The following TBX5 variants were observed in gnomAD, a reference collection of about 807,000 sequenced individuals.
TBX5 encodes the protein T-box transcription factor 5.
TBX5 carries 8 observed loss-of-function variants against 51.1 expected under a neutral mutation model. The ratio of observed to expected loss-of-function variants is 0.16; its 90% CI spans 0.09 to 0.28. The LOEUF is 0.28. Among genes scored for constraint, TBX5 ranks in the 10% least tolerant of loss-of-function variants. TBX5 has a pLI of 1.00. For missense variants in TBX5, 589 were observed against 671.7 expected (o/e 0.88, Z 1.36); for synonymous variants, 302 against 266.4 (o/e 1.13, Z -1.30).
Position 114,355,861 on chromosome 12 carries a change from A to G in TBX5, c.1228T>C (p.Cys410Arg). Residue 410 changes from cysteine to arginine, a missense_variant, in exon 9 of 9, where the codon TGC becomes CGC. Transcript: ENST00000405440. ...ATGGGCTGCACGGTGGTGACGGTGC[A>G]GCTGCTGTAGGAAGGCATGCTTGGC... The part of the protein sequence containing the change: ...TWPSMPSYSS[C>R]TVTTVQPMDR... The G allele has an allele frequency of 1.9e-6, 3 of 1,613,828 alleles. No individual in the cohort carries two copies. Among genetic ancestry groups the G allele is most frequent in the Non-Finnish European group, 2.5e-6 (3 of 1,180,022 alleles).
intron 3 of TBX5, among the ~76,000 whole-genome samples, chr12:114,400,626 C>A (rs1040638268): frequency 6.6e-6 from 1 of 152,184 alleles, no homozygotes; most frequent in Non-Finnish European, 1.5e-5. Flanking sequence ...TCAGCCTGAG[C>A]GAGCGCGCCC....
chr12:114,382,112 T>A (rs556939438), intron 7 of TBX5, among the ~76,000 whole-genome samples: 3 of 152,266 alleles, frequency 2.0e-5, no homozygotes, highest in Non-Finnish European at 4.4e-5. Flanking sequence ...TAAACAGTTG[T>A]GTGACCAGCC....
In TBX5 at chr12:114,354,856, T is replaced by A. The variant is rs1341938727; in HGVS notation, c.*676A>T. ...CTCCATGGGTAAGTAGAGGCAAAAC[T>A]GAGCACGTGATATTGGAGAAGGCAG... On this transcript the variant is annotated 3_prime_UTR_variant, in exon 9 of 9. Coordinates refer to ENST00000405440, the MANE Select transcript of TBX5 (RefSeq NM_181486.4). 1 of 155,604 alleles carries A rather than the reference T, an allele frequency of 6.4e-6. No homozygotes were observed. Among genetic ancestry groups the A allele is most frequent in the Non-Finnish European group, 1.4e-5 (1 of 70,320 alleles). 9.6% of individuals were successfully genotyped at this position (155,604 alleles called of 1,614,324 possible). A position where few individuals can be genotyped will look rare whatever the true frequency, so the allele number is the denominator to read the frequency against.
intron 8 of TBX5, among the ~76,000 whole-genome samples, chr12:114,363,998 T>C (rs910139757): frequency 1.3e-5 from 2 of 152,210 alleles, no homozygotes; most frequent in Admixed American, 1.3e-4. Context: ...GTTGGAGTGA[T>C]ATTGTTCAGG....
intron 7 of TBX5, among the ~76,000 whole-genome samples, chr12:114,385,189 A>G (rs1870741910): frequency 6.6e-6 from 1 of 151,980 alleles, no homozygotes; most frequent in Non-Finnish European, 1.5e-5. Context: ...GACAGCAGAG[A>G]AAGAAGAGAA....
intron 8 of TBX5, among the ~76,000 whole-genome samples, chr12:114,358,543 A>C (rs985079032): frequency 6.6e-6 from 1 of 152,184 alleles, no homozygotes; most frequent in African/African-American, 2.4e-5. Context: ...CAAACAAAAC[A>C]TATCTCTTAG....
chr12:114,382,285 G>A (rs982375149), intron 7 of TBX5, among the ~76,000 whole-genome samples: 3 of 152,130 alleles, frequency 2.0e-5, no homozygotes, highest in African/African-American at 7.2e-5. Flanking sequence ...CTGCCCTCCA[G>A]CCTGGGCAAC....
chr12:114,394,472 A>T (rs1486028142), intron 6 of TBX5, among the ~76,000 whole-genome samples: 2 of 152,066 alleles, frequency 1.3e-5, no homozygotes, highest in African/African-American at 2.4e-5. Flanking sequence ...GTGGTATTTG[A>T]GTGTGTGGCC....
At chr12:114,375,879 A>G (rs532804463) in intron 7 of TBX5, among the ~76,000 whole-genome samples, 19 of 152,094 alleles carry the variant, frequency 1.2e-4, no homozygotes, top group Non-Finnish European at 2.4e-4. Context: ...TCTTGTCTCT[A>G]CTGAAATTGA....
At chr12:114,387,062 C>T (rs1373535924) in intron 6 of TBX5, among the ~76,000 whole-genome samples, 1 of 152,032 alleles carries the variant, frequency 6.6e-6, no homozygotes, top group Non-Finnish European at 1.5e-5. Flanking sequence ...GCCGAGATCA[C>T]ACCACTGTAC....
intron 7 of TBX5, among the ~76,000 whole-genome samples, chr12:114,385,247 G>A (rs1209718696): frequency 6.6e-6 from 1 of 152,168 alleles, no homozygotes; most frequent in Non-Finnish European, 1.5e-5. Flanking sequence ...CGAACTCTTC[G>A]TACCTTCTCT....
At chr12:114,398,974 T>C (rs983167085) in intron 4 of TBX5, among the ~76,000 whole-genome samples, 1 of 151,830 alleles carries the variant, frequency 6.6e-6, no homozygotes, top group Admixed American at 6.6e-5. Context: ...AAGTGGCGGG[T>C]TCTGGAGGTC....
chr12:114,360,291 C>A (rs1869157998), intron 8 of TBX5, among the ~76,000 whole-genome samples: 1 of 150,864 alleles, frequency 6.6e-6, no homozygotes, highest in South Asian at 2.1e-4. Context: ...ACCCTACATG[C>A]TCAGCCAACA....
chr12:114,401,844 A>T lies in TBX5; in HGVS notation c.224T>A (p.Ile75Asn). The change falls in exon 3 of 9, where the codon ATC (isoleucine) becomes AAC (asparagine). Residue 75 changes from isoleucine to asparagine, a missense_variant. Ile to Asn is a moderately radical substitution (Grantham distance 149, BLOSUM62 -3). Around this residue, in one of 7 missense-constraint regions of TBX5, gnomAD observed 13 missense variants for 32.0 expected, o/e 0.41. Coordinates refer to ENST00000405440, the MANE Select transcript of TBX5 (RefSeq NM_181486.4). ...LKFHEVGTEMIITKAGRRMFP... is the reference protein window; with the variant it reads ...LKFHEVGTEMNITKAGRRMFP... Reference sequence around the variant, plus strand: ...ATCTCACCTTCCAGCCTTGGTTATGATCATTTCCGTGCCCACTTCGTGGAA... The same window carrying T: ...ATCTCACCTTCCAGCCTTGGTTATGTTCATTTCCGTGCCCACTTCGTGGAA... The T allele has an allele frequency of 6.2e-7, 1 of 1,614,012 alleles. No homozygotes were observed. The highest frequency in any genetic ancestry group is 8.5e-7 in the Non-Finnish European group (1 of 1,180,008).
intron 6 of TBX5, among the ~76,000 whole-genome samples, chr12:114,393,411 C>T (rs566002897): frequency 7.9e-5 from 12 of 152,302 alleles, no homozygotes; most frequent in South Asian, 2.1e-4. Flanking sequence ...TACAACCGCA[C>T]GAGGGCAGGG....
intron 8 of TBX5, among the ~76,000 whole-genome samples, chr12:114,365,413 TAAA>T (rs1869464098): frequency 6.6e-6 from 1 of 151,882 alleles, no homozygotes; most frequent in Non-Finnish European, 1.5e-5. Flanking sequence ...CCTTAGCAGT[TAAA>T]AATAAAATAA....
intron 4 of TBX5, 112 bp downstream of exon 4, chr12:114,399,401 A>T: frequency 6.7e-7 from 1 of 1,496,348 alleles, no homozygotes; most frequent in East Asian, 2.3e-5. Flanking sequence ...CGCCTTTAGC[A>T]CACAGTAGGA....
intron 7 of TBX5, 26 bp from the exon 8 acceptor site, chr12:114,366,417 C>T (rs78344365): frequency 2.2e-4 from 356 of 1,609,366 alleles, no homozygotes; most frequent in Middle Eastern, 5.4e-4. Flanking sequence ...TGGGAGATAA[C>T]GCCTATCAGT....
chr12:114,364,482 G>C (rs1869404817), intron 8 of TBX5, among the ~76,000 whole-genome samples: 1 of 152,190 alleles, frequency 6.6e-6, no homozygotes, highest in African/African-American at 2.4e-5. Context: ...ATGAGGCTTG[G>C]AAAGGTTAAG....
Sources: gnomAD v4.1 joint callset for allele counts (sites outside exome capture counted in the v4.1 genomes callset) on GRCh38, gnomAD v4.1.1 for gene constraint, gnomAD v4.1.1 regional missense constraint, MANE v1.5 for transcripts, NCBI Gene and HGNC (gene_info 2026-07-23, HGNC 2026-07-21) for gene names.